Variants in SHOX observed in about 807,000 individuals in gnomAD.
The protein encoded by SHOX is short stature homeobox protein.
Under a neutral mutation model 29.6 loss-of-function variants are expected in SHOX, and 12 were observed. The observed-to-expected ratio is 0.41, with a 90% CI of 0.26 to 0.66. The LOEUF is 0.66. Among genes scored for constraint, SHOX ranks in the 30% least tolerant of loss-of-function variants. The pLI, the probability that SHOX is intolerant of heterozygous loss-of-function variation, is 0.35. For missense variants in SHOX, 499 were observed against 437.7 expected, an observed-to-expected ratio of 1.14 and a Z score of -1.25; for synonymous variants, 214 against 200.6, an observed-to-expected ratio of 1.07 and a Z score of -0.57.
downstream of SHOX, among the ~76,000 whole-genome samples, chrX:651,641 G>GAAA (rs553983413): frequency 9.4e-4 from 101 of 107,530 alleles, no homozygotes; most frequent in African/African-American, 3.6e-3. Flanking sequence ...AGGCTTATTG[G>GAAA]AAAAAAAAAA....
chrX:630,403 C>T (rs1239477902), upstream of SHOX: 1 of 159,768 alleles, frequency 6.3e-6, no homozygotes, highest in African/African-American at 2.4e-5. Context: ...CGAGGGCGGC[C>T]GGACGACTGG....
rs1269170279 is a variant in SHOX at position 634,673 on chromosome X, G to C, written c.333G>C (p.Gly111=). The C allele has an allele frequency of 1.2e-6, 2 of 1,613,914 alleles. No individual in the cohort carries two copies. The highest frequency in any genetic ancestry group is 2.2e-5 in the South Asian group (2 of 91,072). Residue 111 remains glycine, a synonymous_variant, in exon 2 of 5, where the codon GGG becomes GGC. Transcript: ENST00000686671. ...ACGTGAAGTCGGAGGACGAGGACGGGCAGACCAAGCTGAAACAGAGGCGCA... is the reference window on the plus strand; with the variant it reads ...ACGTGAAGTCGGAGGACGAGGACGGCCAGACCAAGCTGAAACAGAGGCGCA... The part of the protein sequence containing the change: ...REDVKSEDED[G]QTKLKQRRSR...
In SHOX at chrX:658,295, G is replaced by A. The variant is rs148127809; in HGVS notation, c.634-490G>A. On this transcript the variant is annotated intron_variant, in intron 5 of 5. Coordinates refer to the SHOX transcript ENST00000334060. ...CGGCCCCAGGTGGTCTTTTTAGCGG[G>A]TATTAAAGCAGCTTTCTCTCTGAGC... is the stretch of plus-strand genomic sequence containing the variant. Among the ~76,000 whole-genome samples the A allele has an allele frequency of 8.8e-3, 1,331 of 152,000 alleles. 13 individuals carry two copies. The highest frequency in any genetic ancestry group is 0.013 in the Non-Finnish European group (901 of 67,984).
chrX:646,380 C>G lies in SHOX; in HGVS notation c.*1744C>G, dbSNP rs896022694. ...GCATGATTGGCATTAGTTACCACAG[C>G]CTGCCCAGAGAGAAACTATCTTCTC... On this transcript the variant is annotated 3_prime_UTR_variant, in exon 5 of 5. Coordinates refer to ENST00000686671, the MANE Select transcript of SHOX (RefSeq NM_000451.4). 1 of 151,890 alleles carries G rather than the reference C, an allele frequency of 6.6e-6. No homozygotes were observed. The highest frequency in any genetic ancestry group is 2.4e-5 in the African/African-American group (1 of 41,320). The allele number at this position is 151,890 out of a possible 1,614,324, so 9.4% of individuals were successfully genotyped here.
At chrX:639,352 C>T (rs933069549) in intron 2 of SHOX, among the ~76,000 whole-genome samples, 34 of 152,282 alleles carry the variant, frequency 2.2e-4, no homozygotes, top group African/African-American at 7.2e-4. Context: ...ATGAATGGGA[C>T]GCCTTCAGCT....
Position 648,919 on chromosome X carries a change from T to TTCCTTCCTTCCTTCC in SHOX, c.*4284_*4285insCCTTCCTTCCTTCCT, listed in dbSNP as rs2053006034. 7.5e-6 allele frequency among the ~76,000 whole-genome samples: 1 copy of TTCCTTCCTTCCTTCC among 133,512 alleles called. No homozygotes were observed. Among genetic ancestry groups the TTCCTTCCTTCCTTCC allele is most frequent in the African/African-American group, 3.1e-5 (1 of 32,648 alleles). 87.6% of individuals were successfully genotyped at this position (133,512 alleles called of 152,430 possible). On this transcript the variant is annotated 3_prime_UTR_variant, in exon 5 of 5. Coordinates refer to ENST00000686671, the MANE Select transcript of SHOX (RefSeq NM_000451.4). Reference sequence around the variant, plus strand: ...TCCTTCCTTCCTTCCTTTCTTTCTTTTTCTTTCTTTCTCTCTTTCTTTCTT... The same window carrying TTCCTTCCTTCCTTCC: ...TCCTTCCTTCCTTCCTTTCTTTCTTTTCCTTCCTTCCTTCCTTCTTTCTTTCTCTCTTTCTTTCTT...
upstream of SHOX, among the ~76,000 whole-genome samples, chrX:625,848 C>CTCTG (rs1340989267): frequency 5.0e-4 from 73 of 146,424 alleles, no homozygotes; most frequent in African/African-American, 1.7e-3. Flanking sequence ...TTTTCTCTGT[C>CTCTG]TCTGTATCTC....
intron 2 of SHOX, among the ~76,000 whole-genome samples, chrX:639,268 C>T (rs2052808413): frequency 6.6e-6 from 1 of 152,224 alleles, no homozygotes. Context: ...CACCACAAAG[C>T]CTGCTATCCT....
At position 644,828 on chromosome X, in the gene SHOX, G is replaced by C; in HGVS notation, c.*192G>C. ...CCACGCACGACCCAGCCAGACCCTCGCGGAGATGGTGCAGAAGGCGGAGCG... is the reference window on the plus strand; with the variant it reads ...CCACGCACGACCCAGCCAGACCCTCCCGGAGATGGTGCAGAAGGCGGAGCG... On this transcript the variant is annotated 3_prime_UTR_variant, in exon 5 of 5. Transcript: ENST00000686671. The C allele has an allele frequency of 1.4e-6, 1 of 726,584 alleles. No homozygotes were observed. Among genetic ancestry groups the C allele is most frequent in the Non-Finnish European group, 2.0e-6 (1 of 501,976 alleles). The allele number at this position is 726,584 out of a possible 1,614,324, so 45.0% of individuals were successfully genotyped here. A position where few individuals can be genotyped will look rare whatever the true frequency, so the allele number is the denominator to read the frequency against.
chrX:652,061 G>T (rs1464497746), downstream of SHOX, among the ~76,000 whole-genome samples: 1 of 151,984 alleles, frequency 6.6e-6, no homozygotes, highest in Non-Finnish European at 1.5e-5. Context: ...TAGCTGGGAT[G>T]ACAGTCACCT....
Position 644,623 on chromosome X carries a change from C to T in SHOX, c.866C>T (p.Ala289Val), listed in dbSNP as rs1448279451. ...LRLKARKHAE[A>V]LGL is the part of the protein sequence containing the mutation. ...CTCAAGGCGCGGAAGCACGCGGAGG[C>T]CCTGGGGCTCTGACCCGCCGCGCAG... Residue 289 changes from alanine to valine, a missense_variant, in exon 5 of 5, where the codon GCC becomes GTC. Coordinates refer to ENST00000686671, the MANE Select transcript of SHOX (RefSeq NM_000451.4). 24 of 1,497,278 alleles carry T rather than the reference C, an allele frequency of 1.6e-5. No homozygotes were observed. Among genetic ancestry groups the T allele is most frequent in the Non-Finnish European group, 1.9e-5 (22 of 1,130,658 alleles). 92.7% of individuals were successfully genotyped at this position (1,497,278 alleles called of 1,614,324 possible). A position where few individuals can be genotyped will look rare whatever the true frequency, so the allele number is the denominator to read the frequency against.
chrX:634,877 C>T (rs1314737213), intron 2 of SHOX, 51 bp downstream of exon 2: 23 of 1,528,816 alleles, frequency 1.5e-5, no homozygotes, highest in Non-Finnish European at 2.0e-5. Flanking sequence ...GCCTGGTCCT[C>T]GGGAGCGCAC....
upstream of SHOX, among the ~76,000 whole-genome samples, chrX:629,003 C>T (rs1337008068): frequency 7.8e-6 from 1 of 128,170 alleles, no homozygotes; most frequent in Non-Finnish European, 1.7e-5. Context: ...CTGTGTGTTT[C>T]TCTCTCTCCA....
chrX:643,313 GCCGGGAGAGGCTTGGGGACCTGGTGTC>G (rs1569494997), intron 4 of SHOX, among the ~76,000 whole-genome samples: 2 of 103,240 alleles, frequency 1.9e-5, no homozygotes, highest in Non-Finnish European at 4.0e-5. Flanking sequence ...GATCTGGTGA[GCCGGGAGAGGCTTGGGGACCTGGTGTC>G]CCGGGAGAGG....
rs1339856351 is a variant in SHOX at position 644,384 on chromosome X, C to T, written c.634-7C>T. ...GCGCCCTCACCCCGCCGGGTCCGCTCCCGCAGGTCCAGGCTCAGCTGCAGC... is the reference window on the plus strand; with the variant it reads ...GCGCCCTCACCCCGCCGGGTCCGCTTCCGCAGGTCCAGGCTCAGCTGCAGC... On this transcript the variant is annotated splice_region_variant and splice_polypyrimidine_tract_variant and intron_variant, in intron 4 of 4. Transcript: ENST00000686671. 29 of 1,520,014 alleles carry T rather than the reference C, an allele frequency of 1.9e-5. 1 individual carries two copies. The Admixed American group carries it at 5.4e-4, about 28-fold the overall frequency. 94.2% of individuals were successfully genotyped at this position (1,520,014 alleles called of 1,614,324 possible).
At chrX:658,553 C>G (rs1272804111) in intron 5 of SHOX, among the ~76,000 whole-genome samples, 1 of 151,090 alleles carries the variant, frequency 6.6e-6, no homozygotes, top group African/African-American at 2.4e-5. Flanking sequence ...TCACTGCAAG[C>G]TCCTCTTCCC....
intron 1 of SHOX, among the ~76,000 whole-genome samples, chrX:633,568 C>G (rs2052686317): frequency 6.6e-6 from 1 of 152,124 alleles, no homozygotes; most frequent in East Asian, 1.9e-4. Flanking sequence ...TGTAGACACC[C>G]TGGATTTGTC....
chrX:630,878 C>T lies in SHOX; in HGVS notation c.-20C>T. 6.2e-7 allele frequency: 1 copy of T among 1,612,382 alleles called. No homozygotes were observed. The highest frequency in any genetic ancestry group is 8.5e-7 in the Non-Finnish European group (1 of 1,179,762). ...CGCGCATCCACCAGCCCCGGCTGCT[C>T]GCCAGCCCCGGCCCCAGCCATGGAA... On this transcript the variant is annotated 5_prime_UTR_variant, in exon 1 of 5. Transcript: ENST00000686671.
chrX:624,681 C>CCTCT (rs2052469870), intron 1 of SHOX: 3 of 140,636 alleles, frequency 2.1e-5, no homozygotes, highest in Non-Finnish European at 3.1e-5. Context: ...TTCCTTCCTT[C>CCTCT]CTTCCTCTCT....
Sources: allele counts gnomAD v4.1 joint callset (sites outside exome capture counted in the v4.1 genomes callset), GRCh38; gene constraint gnomAD v4.1.1; transcripts MANE v1.5; gene names NCBI Gene and HGNC (gene_info 2026-07-23, HGNC 2026-07-21).